STK3: variants seen among roughly 807,000 people sequenced by gnomAD.
The protein encoded by STK3 is serine/threonine-protein kinase 3.
STK3 carries 41 observed loss-of-function variants against 58.0 expected under a neutral mutation model. That is an observed-to-expected ratio of 0.71 (90% CI 0.55 to 0.92). The LOEUF (loss-of-function observed/expected upper bound fraction) is 0.92, where lower values mean the gene tolerates loss of function less well. Among genes scored for constraint, STK3 ranks in the 40% least tolerant of loss-of-function variants. The pLI is 0.00. For synonymous variants in STK3, 170 were observed against 191.0 expected (o/e 0.89, Z 0.91); for missense variants, 479 against 602.7 (o/e 0.79, Z 2.15).
intron 8 of STK3, among the ~76,000 whole-genome samples, chr8:98,576,784 T>A (rs16897086): frequency 2.6e-5 from 4 of 152,226 alleles, no homozygotes; most frequent in African/African-American, 9.6e-5. Flanking sequence ...CAGATTTAGA[T>A]GGTTGACAGA....
Position 98,711,677 on chromosome 8 carries a change from T to C in STK3, c.352-4366A>G, listed in dbSNP as rs543506151. On this transcript the variant is annotated intron_variant, in intron 4 of 10. Coordinates refer to ENST00000419617, the MANE Select transcript of STK3 (RefSeq NM_006281.4). ...GTCTGATTGGTGTACCTGAAAGTGA[T>C]GGGGAGAATGAAACCAAGTTGGAAA... Among the ~76,000 whole-genome samples the C allele has an allele frequency of 6.8e-3, 1,033 of 152,180 alleles. 6 individuals carry two copies. The highest frequency in any genetic ancestry group is 0.011 in the Non-Finnish European group (765 of 67,994).
At chr8:98,821,700 C>G (rs1298551147) in intron 1 of STK3, among the ~76,000 whole-genome samples, 2 of 151,652 alleles carry the variant, frequency 1.3e-5, no homozygotes, top group African/African-American at 2.4e-5. Flanking sequence ...AAAAGGACTT[C>G]TGAAGACCTC....
At chr8:98,717,167 G>A (rs1739034807) in intron 4 of STK3, among the ~76,000 whole-genome samples, 1 of 150,552 alleles carries the variant, frequency 6.6e-6, no homozygotes, top group South Asian at 2.1e-4. Context: ...GAATAAAACA[G>A]ACAAATTGGA....
intron 10 of STK3, among the ~76,000 whole-genome samples, chr8:98,459,839 C>G (rs887902983): frequency 2.8e-4 from 43 of 152,224 alleles, no homozygotes; most frequent in African/African-American, 1.0e-3. Context: ...GGAACCTCTA[C>G]CTAGACTTCA....
chr8:98,588,135 G>C (rs928939967), intron 7 of STK3, among the ~76,000 whole-genome samples: 6 of 151,904 alleles, frequency 3.9e-5, no homozygotes, highest in Non-Finnish European at 8.8e-5. Context: ...ATTTGATCCT[G>C]TCATGATGAT....
chr8:98,349,616 A>G, the STK3 span, among the ~76,000 whole-genome samples: 2 of 152,232 alleles, frequency 1.3e-5, no homozygotes, highest in Non-Finnish European at 2.9e-5. Context: ...ACCTCACCCC[A>G]GCAGCAAACT....
chr8:98,419,570 G>C (rs1343648207), intron 3 of STK3, among the ~76,000 whole-genome samples: 1 of 152,170 alleles, frequency 6.6e-6, no homozygotes, highest in African/African-American at 2.4e-5. Flanking sequence ...GACTCCTAGA[G>C]AGCCTGGGCA....
At chr8:98,495,442 A>T (rs1214050116) in intron 10 of STK3, among the ~76,000 whole-genome samples, 1 of 152,170 alleles carries the variant, frequency 6.6e-6, no homozygotes, top group African/African-American at 2.4e-5. Context: ...CTGACCATGA[A>T]AAATGTTTTA....
intron 10 of STK3, among the ~76,000 whole-genome samples, chr8:98,523,549 A>G (rs973226336): frequency 6.6e-6 from 1 of 151,794 alleles, no homozygotes; most frequent in African/African-American, 2.4e-5. Context: ...CTAATTTTGT[A>G]TTTTTAGTAC....
chr8:98,402,083 T>G (rs749196969), intron 3 of STK3, among the ~76,000 whole-genome samples: 20 of 152,234 alleles, frequency 1.3e-4, no homozygotes, highest in Non-Finnish European at 2.8e-4. Context: ...TGTTCTATAC[T>G]TCCCCAGGTA....
At chr8:98,568,936 A>C (rs970465149) in intron 8 of STK3, among the ~76,000 whole-genome samples, 10 of 152,162 alleles carry the variant, frequency 6.6e-5, no homozygotes, top group Non-Finnish European at 4.4e-5. Flanking sequence ...GTGTTTCCAG[A>C]TTTAAAAAGT....
intron 10 of STK3, among the ~76,000 whole-genome samples, chr8:98,475,607 A>G (rs1318184944): frequency 1.3e-5 from 2 of 152,202 alleles, no homozygotes; most frequent in Non-Finnish European, 2.9e-5. Context: ...CTGAAACACC[A>G]TCCATTTGAA....
chr8:98,930,390 A>C (rs1040874551), intron 1 of STK3, among the ~76,000 whole-genome samples: 12 of 152,250 alleles, frequency 7.9e-5, no homozygotes, highest in African/African-American at 2.9e-4. Flanking sequence ...GTATGTGTTC[A>C]GTTATTTACT....
At chr8:98,605,723 C>A (rs1411466582) in intron 6 of STK3, among the ~76,000 whole-genome samples, 2 of 152,078 alleles carry the variant, frequency 1.3e-5, no homozygotes, top group Non-Finnish European at 1.5e-5. Flanking sequence ...GGCTCTGTGT[C>A]CCCGCTTAAA....
At chr8:98,436,476 G>A (rs1479843703) in intron 2 of STK3, among the ~76,000 whole-genome samples, 2 of 152,122 alleles carry the variant, frequency 1.3e-5, no homozygotes, top group African/African-American at 4.8e-5. Context: ...TTCTATCAAT[G>A]GAACCACAGT....
intron 3 of STK3, among the ~76,000 whole-genome samples, chr8:98,752,946 CA>C (rs35305701): frequency 6.6e-4 from 84 of 128,234 alleles, no homozygotes; most frequent in Middle Eastern, 4.3e-3. Context: ...ATTAAAAAGT[CA>C]AAAAAAAAAA....
At chr8:98,739,933 AACT>A (rs1257008270) in intron 4 of STK3, among the ~76,000 whole-genome samples, 1 of 151,908 alleles carries the variant, frequency 6.6e-6, no homozygotes, top group East Asian at 1.9e-4. Context: ...AAGGCTCGAG[AACT>A]ACGTGAAGAA....
intron 6 of STK3, among the ~76,000 whole-genome samples, chr8:98,656,318 C>G (rs1821516198): frequency 6.6e-6 from 1 of 151,750 alleles, no homozygotes; most frequent in Admixed American, 6.6e-5. Flanking sequence ...GGGAACATCA[C>G]ACTCTGGGGA....
chr8:98,840,175 C>T (rs1473773191), intron 3 of STK3, among the ~76,000 whole-genome samples: 3 of 151,490 alleles, frequency 2.0e-5, no homozygotes, highest in South Asian at 2.1e-4. Flanking sequence ...GGTGAAACCC[C>T]GTCTCTACTG....
Sources: gnomAD v4.1 joint callset for allele counts (sites outside exome capture counted in the v4.1 genomes callset) on GRCh38, gnomAD v4.1.1 for gene constraint, MANE v1.5 for transcripts, NCBI Gene and HGNC (gene_info 2026-07-23, HGNC 2026-07-21) for gene names.